The following ANO1 variants were observed in gnomAD, a reference collection of about 807,000 sequenced individuals.
The protein encoded by ANO1 is anoctamin-1.
ANO1 carries 59 observed loss-of-function variants against 124.0 expected under a neutral mutation model. The ratio of observed to expected loss-of-function variants is 0.48; its 90% confidence interval spans 0.39 to 0.59. The LOEUF is 0.59. ANO1 is among the 20% of genes least tolerant of loss of function. ANO1 has a pLI of 0.00. For synonymous variants in ANO1, 529 were observed against 532.0 expected, an observed-to-expected ratio of 0.99 and a Z score of 0.08; for missense variants, 1,059 against 1,328.0, an observed-to-expected ratio of 0.80 and a Z score of 3.15.
upstream of ANO1, among the ~76,000 whole-genome samples, chr11:69,980,967 G>T (rs1197782215): frequency 1.3e-5 from 2 of 152,116 alleles, no homozygotes; most frequent in African/African-American, 4.8e-5. Context: ...CAGGAGAATC[G>T]CTTGAACCCG....
intron 19 of ANO1, chr11:70,163,592 T>C: frequency 1.7e-6 from 1 of 603,954 alleles, no homozygotes. Context: ...ACACAACATC[T>C]GGTTTTCTTT....
At chr11:69,977,896 C>T in the ANO1 span, among the ~76,000 whole-genome samples, 1 of 152,242 alleles carries the variant, frequency 6.6e-6, no homozygotes, top group Non-Finnish European at 1.5e-5. Context: ...TATCTCCCCT[C>T]TCCAAAGCGG....
chr11:70,036,769 G>A (rs892595492), intron 1 of ANO1, among the ~76,000 whole-genome samples: 10 of 152,042 alleles, frequency 6.6e-5, no homozygotes, highest in African/African-American at 1.7e-4. Flanking sequence ...CACCACACCC[G>A]GCTAATTTTT....
At chr11:70,046,602 C>A (rs186856571) in intron 1 of ANO1, among the ~76,000 whole-genome samples, 1 of 151,996 alleles carries the variant, frequency 6.6e-6, no homozygotes, top group African/African-American at 2.4e-5. Context: ...GGTCCCAGGG[C>A]GAGAAAGGAC....
At chr11:70,027,524 T>C (rs1027204570) in intron 1 of ANO1, among the ~76,000 whole-genome samples, 1 of 152,128 alleles carries the variant, frequency 6.6e-6, no homozygotes, top group Admixed American at 6.5e-5. Flanking sequence ...CCCATCTGGG[T>C]TGGATGGCTT....
intron 2 of ANO1, among the ~76,000 whole-genome samples, chr11:70,095,338 G>A (rs1234094814): frequency 4.9e-5 from 5 of 101,522 alleles, no homozygotes; most frequent in Non-Finnish European, 7.9e-5. Context: ...AGAAAGGAAA[G>A]AGAAAGAAAA....
Position 70,085,517 on chromosome 11 carries a change from A to G in ANO1, c.109-2235A>G, listed in dbSNP as rs1007575172. On this transcript the variant is annotated intron_variant, in intron 1 of 25. Transcript: ENST00000355303. Reference sequence around the variant, plus strand: ...TTAGTTTCAGCCTCCTGCCGGCACCAGATGCTGACCAGGCCCTCCCAGGTG... The same window carrying G: ...TTAGTTTCAGCCTCCTGCCGGCACCGGATGCTGACCAGGCCCTCCCAGGTG... 49 of 1,535,974 alleles carry G rather than the reference A, an allele frequency of 3.2e-5. No homozygotes were observed. In the African/African-American group the frequency reaches 3.3e-4, roughly 10 times the overall value.
Position 70,078,690 on chromosome 11 carries a change from C to T in ANO1, c.84C>T (p.Ile28=). Residue 28 remains isoleucine (I), a synonymous_variant, in exon 1 of 26, where the codon ATC becomes ATT. Transcript: ENST00000355303. The part of the protein sequence containing the change: ...HIINICAIED[I]GYLPSEGTLL... ...TCAACATCTGCGCCATCGAGGACAT[C>T]GGCTACCTGCCGTCCGAGGGCACGG... The T allele has an allele frequency of 6.7e-7, 1 of 1,486,840 alleles. No individual in the cohort carries two copies. The highest frequency in any genetic ancestry group is 2.0e-5 in the Admixed American group (1 of 51,236). 92.1% of individuals were successfully genotyped at this position (1,486,840 alleles called of 1,614,324 possible).
At chr11:70,183,109 T>C (rs568947150) in intron 24 of ANO1, among the ~76,000 whole-genome samples, 1 of 152,230 alleles carries the variant, frequency 6.6e-6, no homozygotes, top group Admixed American at 6.5e-5. Context: ...ACCCTATCTA[T>C]AAAGAAATAA....
intron 1 of ANO1, among the ~76,000 whole-genome samples, chr11:70,020,279 A>G (rs1240420444): frequency 6.6e-6 from 1 of 152,090 alleles, no homozygotes; most frequent in African/African-American, 2.4e-5. Context: ...CTTCCTATCC[A>G]CAGGAAATCC....
At chr11:70,116,395 G>A (rs1178108268) in intron 7 of ANO1, 63 bp from the exon 8 acceptor site, 2 of 1,467,738 alleles carry the variant, frequency 1.4e-6, no homozygotes, top group South Asian at 1.2e-5. Flanking sequence ...AAACATAATG[G>A]ATGTGAGCGC....
intron 1 of ANO1, among the ~76,000 whole-genome samples, chr11:69,996,555 T>C (rs1202819878): frequency 1.3e-5 from 2 of 152,192 alleles, no homozygotes; most frequent in Admixed American, 6.5e-5. Context: ...AAGAGGCTAA[T>C]GAATGGCCTG....
At chr11:69,981,841 G>C (rs781843701), upstream of ANO1, among the ~76,000 whole-genome samples, 3 of 152,186 alleles carry the variant, frequency 2.0e-5, no homozygotes, top group Non-Finnish European at 4.4e-5. Flanking sequence ...CCAGACCATG[G>C]AATATTATTC....
intron 22 of ANO1, among the ~76,000 whole-genome samples, chr11:70,177,583 CTTTTTTTTTTCTTTTTTTTT>C (rs2048758005): frequency 7.9e-6 from 1 of 126,510 alleles, no homozygotes; most frequent in African/African-American, 2.9e-5. Flanking sequence ...TTTTTCTTTT[CTTTTTTTTTTCTTTTTTTTT>C]TTTTTTTTTT....
At chr11:70,046,988 G>A (rs1857268958) in intron 1 of ANO1, among the ~76,000 whole-genome samples, 1 of 150,642 alleles carries the variant, frequency 6.6e-6, no homozygotes, top group Non-Finnish European at 1.5e-5. Context: ...GCTGAGGCAG[G>A]AGAATCACTT....
chr11:69,984,725 A>T (rs781993214), upstream of ANO1, among the ~76,000 whole-genome samples: 1 of 152,140 alleles, frequency 6.6e-6, no homozygotes, highest in African/African-American at 2.4e-5. Context: ...GGGCCCAGCC[A>T]AAGCTGGGCA....
intron 1 of ANO1, among the ~76,000 whole-genome samples, chr11:70,045,236 A>G (rs1343149510): frequency 1.3e-5 from 2 of 152,362 alleles, no homozygotes; most frequent in African/African-American, 4.8e-5. Context: ...TTGGGATTAT[A>G]TCAATATAAA....
intron 2 of ANO1, among the ~76,000 whole-genome samples, chr11:70,097,300 C>T (rs893967428): frequency 3.3e-5 from 5 of 152,126 alleles, no homozygotes; most frequent in Non-Finnish European, 2.9e-5. Flanking sequence ...GCCTGAGACT[C>T]GAGTCTGGAG....
intron 1 of ANO1, among the ~76,000 whole-genome samples, chr11:70,032,644 G>A (rs931568385): frequency 1.3e-5 from 2 of 152,248 alleles, no homozygotes; most frequent in Admixed American, 6.5e-5. Context: ...TTACTGAGAC[G>A]AGGCCCCCGG....
Sources: gnomAD v4.1 joint callset for allele counts (sites outside exome capture counted in the v4.1 genomes callset) on GRCh38, gnomAD v4.1.1 for gene constraint, MANE v1.5 for transcripts, NCBI Gene and HGNC (gene_info 2026-07-23, HGNC 2026-07-21) for gene names.